GALNT13: variants seen among roughly 807,000 people sequenced by gnomAD.
The protein encoded by GALNT13 is UDP-GalNAc:polypeptide N-acetylgalactosaminyltransferase 13.
GALNT13 carries 28 observed loss-of-function variants against 64.2 expected under a neutral mutation model. The ratio of observed to expected loss-of-function variants is 0.44; its 90% CI spans 0.32 to 0.60. The LOEUF is 0.60. GALNT13 is among the 20% of genes least tolerant of loss of function. The pLI is 0.05. For synonymous variants in GALNT13, 214 were observed against 224.6 expected, an observed-to-expected ratio of 0.95 and a Z score of 0.42; for missense variants, 577 against 669.8, an observed-to-expected ratio of 0.86 and a Z score of 1.53.
At chr2:153,512,693 G>C in the GALNT13 span, among the ~76,000 whole-genome samples, 1 of 152,140 alleles carries the variant, frequency 6.6e-6, no homozygotes, top group Non-Finnish European at 1.5e-5. Context: ...CATATTAAGA[G>C]TATGCAGTTA....
At chr2:153,708,237 TA>T in the GALNT13 span, among the ~76,000 whole-genome samples, 2 of 152,036 alleles carry the variant, frequency 1.3e-5, no homozygotes, top group South Asian at 4.1e-4. Flanking sequence ...TCCCTTTACA[TA>T]AAAAGTCTGG....
chr2:154,167,850 G>C (rs1346369665), intron 4 of GALNT13, among the ~76,000 whole-genome samples: 1 of 152,164 alleles, frequency 6.6e-6, no homozygotes, highest in Non-Finnish European at 1.5e-5. Flanking sequence ...TGGTACCCTG[G>C]TATGGCATGT....
At position 154,452,485 on chromosome 2, in the gene GALNT13, A is replaced by C. The variant is rs1701908507; in HGVS notation, c.*1934A>C. On this transcript the variant is annotated 3_prime_UTR_variant, in exon 13 of 13. Transcript: ENST00000392825. ...TAAGTTGAAAAAGCTTCAACTCTCA[A>C]GGACTCATGTATACCATATGTTCCA... is the stretch of plus-strand genomic sequence containing the variant. 6.6e-6 allele frequency: 1 copy of C among 152,264 alleles called. No individual in the cohort carries two copies. The highest frequency in any genetic ancestry group is 1.9e-4 in the East Asian group (1 of 5,170). 9.4% of individuals were successfully genotyped at this position (152,264 alleles called of 1,614,324 possible).
the GALNT13 span, among the ~76,000 whole-genome samples, chr2:153,777,758 G>A: frequency 6.6e-6 from 1 of 152,280 alleles, no homozygotes; most frequent in South Asian, 2.1e-4. Context: ...GTGTCTAGGG[G>A]TGGATGTTTA....
chr2:153,987,379 C>T (rs1441485695), intron 3 of GALNT13, among the ~76,000 whole-genome samples: 2 of 151,496 alleles, frequency 1.3e-5, no homozygotes, highest in Non-Finnish European at 2.9e-5. Flanking sequence ...GGGAGAGGGG[C>T]CTTTACTGCC....
chr2:153,420,124 G>T, the GALNT13 span, among the ~76,000 whole-genome samples: 2 of 152,208 alleles, frequency 1.3e-5, no homozygotes, highest in Non-Finnish European at 2.9e-5. Context: ...AATAATAAAA[G>T]GAGCAATTCA....
chr2:153,324,846 T>G, the GALNT13 span, among the ~76,000 whole-genome samples: 4 of 152,314 alleles, frequency 2.6e-5, no homozygotes, highest in African/African-American at 4.8e-5. Flanking sequence ...TTGATTGTGG[T>G]GGATAAGCTT....
chr2:153,075,537 A>G, the GALNT13 span, among the ~76,000 whole-genome samples: 1 of 152,184 alleles, frequency 6.6e-6, no homozygotes, highest in Non-Finnish European at 1.5e-5. Flanking sequence ...CTGAAAGTAA[A>G]TCTCCCTAGG....
chr2:153,996,821 T>TA (rs1695554697), intron 3 of GALNT13, among the ~76,000 whole-genome samples: 1 of 152,176 alleles, frequency 6.6e-6, no homozygotes, highest in South Asian at 2.1e-4. Context: ...TTTGAGTCTT[T>TA]AATCCATTTT....
chr2:153,439,719 C>T, the GALNT13 span, among the ~76,000 whole-genome samples: 1 of 152,288 alleles, frequency 6.6e-6, no homozygotes, highest in South Asian at 2.1e-4. Context: ...CCATCAGTCA[C>T]CCCTTTCTTT....
chr2:153,162,294 T>A, the GALNT13 span, among the ~76,000 whole-genome samples: 2 of 152,220 alleles, frequency 1.3e-5, no homozygotes, highest in African/African-American at 2.4e-5. Flanking sequence ...ATTTTCACAT[T>A]TTTCATCCAT....
At chr2:153,385,261 A>G in the GALNT13 span, among the ~76,000 whole-genome samples, 1 of 152,232 alleles carries the variant, frequency 6.6e-6, no homozygotes, top group African/African-American at 2.4e-5. Context: ...ACTGTTAACA[A>G]TAACTAAATG....
At chr2:153,172,540 C>T in the GALNT13 span, among the ~76,000 whole-genome samples, 11 of 152,140 alleles carry the variant, frequency 7.2e-5, no homozygotes, top group South Asian at 8.3e-4. Context: ...TACCACTAGG[C>T]CCTGACCAAG....
At chr2:153,819,114 G>C in the GALNT13 span, among the ~76,000 whole-genome samples, 6 of 152,170 alleles carry the variant, frequency 3.9e-5, no homozygotes, top group African/African-American at 1.4e-4. Context: ...AGCTCAGGCC[G>C]ACTCAACCAT....
intron 3 of GALNT13, among the ~76,000 whole-genome samples, chr2:153,965,183 C>T (rs867536207): frequency 2.6e-5 from 4 of 152,028 alleles, no homozygotes; most frequent in Non-Finnish European, 2.9e-5. Context: ...CAAGCATTTA[C>T]GATTTTTTTG....
chr2:153,095,481 A>T, the GALNT13 span, among the ~76,000 whole-genome samples: 1 of 152,346 alleles, frequency 6.6e-6, no homozygotes, highest in South Asian at 2.1e-4. Context: ...CAATGTGGCA[A>T]TTCCTCAAGG....
At chr2:154,029,223 G>A (rs1221427945) in intron 3 of GALNT13, among the ~76,000 whole-genome samples, 1 of 148,438 alleles carries the variant, frequency 6.7e-6, no homozygotes, top group African/African-American at 2.5e-5. Context: ...ACAGCCCTCT[G>A]AAAGCATCTC....
the GALNT13 span, among the ~76,000 whole-genome samples, chr2:153,293,085 A>AT: frequency 0.017 from 2,504 of 151,758 alleles, 24 homozygotes; most frequent in Non-Finnish European, 0.023. Context: ...TCATCCAGGC[A>AT]TTTTTTTACT....
the GALNT13 span, among the ~76,000 whole-genome samples, chr2:153,215,175 T>C: frequency 5.9e-5 from 9 of 152,208 alleles, no homozygotes; most frequent in South Asian, 1.9e-3. Flanking sequence ...TTTTCAGAAA[T>C]ACATAGTAAA....
Sources: gnomAD v4.1 joint callset for allele counts (sites outside exome capture counted in the v4.1 genomes callset) on GRCh38, gnomAD v4.1.1 for gene constraint, MANE v1.5 for transcripts, NCBI Gene and HGNC (gene_info 2026-07-23, HGNC 2026-07-21) for gene names.